The following FHOD3 variants were observed in gnomAD, a reference collection of about 807,000 sequenced individuals.
The protein encoded by FHOD3 is FH1/FH2 domain-containing protein 3.
A neutral mutation model predicts 173.0 loss-of-function variants in FHOD3; 90 were observed. The ratio of observed to expected loss-of-function variants is 0.52; its 90% CI spans 0.44 to 0.62. The LOEUF is 0.62. Ranked by LOEUF, FHOD3 falls within the 20% of genes least tolerant of loss-of-function variation. The pLI, the probability that FHOD3 is intolerant of heterozygous loss-of-function variation, is 0.00. For synonymous variants in FHOD3, 828 were observed against 823.0 expected (o/e 1.01, Z -0.10); for missense variants, 1,945 against 2,034.7 (o/e 0.96, Z 0.85).
At chr18:36,725,319 G>A (rs1019578300) in intron 19 of FHOD3, among the ~76,000 whole-genome samples, 1 of 152,212 alleles carries the variant, frequency 6.6e-6, no homozygotes, top group African/African-American at 2.4e-5. Context: ...CCAGAGGTAT[G>A]CATTTTTTGT....
chr18:36,728,859 T>G (rs2041206888), intron 19 of FHOD3, among the ~76,000 whole-genome samples: 1 of 152,154 alleles, frequency 6.6e-6, no homozygotes, highest in African/African-American at 2.4e-5. Context: ...TGAGTGGCAG[T>G]CAGTTGCTCA....
intron 3 of FHOD3, among the ~76,000 whole-genome samples, chr18:36,409,193 G>T (rs1255963733): frequency 3.3e-5 from 5 of 152,154 alleles, no homozygotes; most frequent in Non-Finnish European, 5.9e-5. Context: ...TTCTCCTTGA[G>T]CAGGGTGAAG....
intron 5 of FHOD3, among the ~76,000 whole-genome samples, chr18:36,565,540 C>A (rs538798577): frequency 1.1e-4 from 16 of 152,252 alleles, no homozygotes; most frequent in African/African-American, 3.9e-4. Context: ...TCATTCCTCC[C>A]AAAACAAAAT....
At chr18:36,708,941 G>A (rs926426198) in intron 17 of FHOD3, among the ~76,000 whole-genome samples, 154 bp from the exon 18 acceptor site, 63 of 152,062 alleles carry the variant, frequency 4.1e-4, no homozygotes, top group African/African-American at 1.4e-3. Context: ...GCATTGCCTC[G>A]ATGAGTGTTT....
At chr18:36,655,931 A>G (rs1247614212) in intron 13 of FHOD3, among the ~76,000 whole-genome samples, 1 of 152,242 alleles carries the variant, frequency 6.6e-6, no homozygotes, top group Admixed American at 6.5e-5. Context: ...CGTCATTTAA[A>G]CACAATTTTA....
intron 3 of FHOD3, among the ~76,000 whole-genome samples, chr18:36,393,896 C>T (rs928224436): frequency 6.6e-6 from 1 of 152,100 alleles, no homozygotes; most frequent in Admixed American, 6.5e-5. Flanking sequence ...CACTTGGATC[C>T]ACAAGCCCGG....
At chr18:36,612,406 G>A (rs890025752) in intron 9 of FHOD3, among the ~76,000 whole-genome samples, 6 of 152,158 alleles carry the variant, frequency 3.9e-5, no homozygotes, top group African/African-American at 1.2e-4. Flanking sequence ...TCAAGGAGAC[G>A]GGGAGAGAAA....
At chr18:36,541,648 G>C (rs1231433975) in intron 5 of FHOD3, among the ~76,000 whole-genome samples, 1 of 152,234 alleles carries the variant, frequency 6.6e-6, no homozygotes, top group Non-Finnish European at 1.5e-5. Context: ...AAAGTGGAAA[G>C]TGAGTAGTCA....
intron 6 of FHOD3, among the ~76,000 whole-genome samples, chr18:36,582,941 C>T (rs561031284): frequency 1.6e-4 from 25 of 152,310 alleles, no homozygotes; most frequent in Non-Finnish European, 3.5e-4. Flanking sequence ...AATTCAGGGC[C>T]TTGCATTTTT....
intron 2 of FHOD3, among the ~76,000 whole-genome samples, chr18:36,368,782 G>A (rs551343425): frequency 6.6e-6 from 1 of 152,224 alleles, no homozygotes; most frequent in East Asian, 1.9e-4. Flanking sequence ...CAGGTGGCAG[G>A]TGAGAGTGAG....
chr18:36,454,476 T>C (rs2052051577), intron 3 of FHOD3, among the ~76,000 whole-genome samples: 1 of 152,196 alleles, frequency 6.6e-6, no homozygotes, highest in African/African-American at 2.4e-5. Context: ...GATGTCAATA[T>C]TGCTCACAGC....
intron 5 of FHOD3, among the ~76,000 whole-genome samples, chr18:36,550,908 T>C (rs1214433690): frequency 6.6e-6 from 1 of 152,166 alleles, no homozygotes; most frequent in Non-Finnish European, 1.5e-5. Context: ...AACTGCTCTT[T>C]CTTTCTTTCC....
intron 3 of FHOD3, among the ~76,000 whole-genome samples, chr18:36,492,460 C>T (rs1437338751): frequency 2.0e-5 from 3 of 152,150 alleles, no homozygotes; most frequent in African/African-American, 7.2e-5. Flanking sequence ...CCCAATTTCC[C>T]ATTAGTAAAA....
intron 18 of FHOD3, among the ~76,000 whole-genome samples, chr18:36,715,707 C>T (rs201643833): frequency 6.6e-6 from 1 of 151,894 alleles, no homozygotes; most frequent in Non-Finnish European, 1.5e-5. Flanking sequence ...ATAAGTAAAA[C>T]GTGACAGATT....
chr18:36,298,118 G>GA, intron 1 of FHOD3, 118 bp downstream of exon 1: 1 of 955,058 alleles, frequency 1.0e-6, no homozygotes, highest in Non-Finnish European at 1.4e-6. Context: ...GGCCCGGGGG[G>GA]ACCATCGCTC....
chr18:36,338,482 G>A (rs1055454847), intron 1 of FHOD3, among the ~76,000 whole-genome samples: 2 of 152,194 alleles, frequency 1.3e-5, no homozygotes, highest in African/African-American at 4.8e-5. Context: ...GGGTCACACC[G>A]AGTGTGGCAG....
chr18:36,491,864 G>C (rs1369622225), intron 3 of FHOD3, among the ~76,000 whole-genome samples: 1 of 152,126 alleles, frequency 6.6e-6, no homozygotes, highest in African/African-American at 2.4e-5. Flanking sequence ...TTACTAGTTT[G>C]TGTATCCTTA....
chr18:36,324,401 C>A (rs1179274439), intron 1 of FHOD3, among the ~76,000 whole-genome samples: 8 of 152,122 alleles, frequency 5.3e-5, no homozygotes, highest in Non-Finnish European at 1.0e-4. Flanking sequence ...AAATTAAGAT[C>A]TTCTGTTCAT....
intron 1 of FHOD3, among the ~76,000 whole-genome samples, chr18:36,329,827 G>A (rs540360504): frequency 1.1e-4 from 17 of 152,282 alleles, no homozygotes; most frequent in African/African-American, 4.1e-4. Flanking sequence ...AACTAAGCAG[G>A]GTGCCCAGGT....
Sources: allele counts gnomAD v4.1 joint callset (sites outside exome capture counted in the v4.1 genomes callset), GRCh38; gene constraint gnomAD v4.1.1; transcripts MANE v1.5; gene names NCBI Gene and HGNC (gene_info 2026-07-23, HGNC 2026-07-21).